The following KCNIP4 variants were observed in gnomAD, a reference collection of about 807,000 sequenced individuals.
KCNIP4 encodes Kv channel-interacting protein 4.
KCNIP4 carries 12 observed loss-of-function variants against 34.0 expected under a neutral mutation model. The observed-to-expected ratio is 0.35, with a 90% CI of 0.23 to 0.57. KCNIP4 has a LOEUF of 0.57. KCNIP4 is among the 20% of genes least tolerant of loss of function. KCNIP4 has a pLI of 0.83. For missense variants in KCNIP4, 238 were observed against 311.7 expected, an observed-to-expected ratio of 0.76 and a Z score of 1.78; for synonymous variants, 124 against 102.2, an observed-to-expected ratio of 1.21 and a Z score of -1.29.
At chr4:21,143,269 A>C (rs1167818456) in intron 1 of KCNIP4, among the ~76,000 whole-genome samples, 1 of 152,242 alleles carries the variant, frequency 6.6e-6, no homozygotes, top group Admixed American at 6.5e-5. Context: ...GGGGAGAAAC[A>C]GAAAGATCCA....
At chr4:21,555,267 T>C (rs1738918394) in intron 1 of KCNIP4, among the ~76,000 whole-genome samples, 1 of 152,158 alleles carries the variant, frequency 6.6e-6, no homozygotes, top group Non-Finnish European at 1.5e-5. Context: ...AGAGCTGCTT[T>C]CTTCCGTAAC....
At chr4:20,792,640 G>C (rs141547910) in intron 3 of KCNIP4, among the ~76,000 whole-genome samples, 2,462 of 152,096 alleles carry the variant, frequency 0.016, 33 homozygotes, top group Middle Eastern at 0.027. Flanking sequence ...GCAAACATTA[G>C]ACAAAATAGA....
At chr4:20,925,915 A>G (rs7698489) in intron 1 of KCNIP4, among the ~76,000 whole-genome samples, 5 of 152,198 alleles carry the variant, frequency 3.3e-5, no homozygotes, top group African/African-American at 1.2e-4. Flanking sequence ...ACCAGCAACA[A>G]ATTGTTACAA....
intron 1 of KCNIP4, among the ~76,000 whole-genome samples, chr4:21,425,707 T>C (rs1050835481): frequency 6.6e-6 from 1 of 152,218 alleles, no homozygotes; most frequent in Non-Finnish European, 1.5e-5. Flanking sequence ...AAAGAAACTC[T>C]TGTGAATGTC....
chr4:20,977,280 G>A (rs1279038785), intron 1 of KCNIP4, among the ~76,000 whole-genome samples: 1 of 152,086 alleles, frequency 6.6e-6, no homozygotes, highest in African/African-American at 2.4e-5. Flanking sequence ...GCATGACTCT[G>A]GCTTCTTGAC....
intron 1 of KCNIP4, among the ~76,000 whole-genome samples, chr4:21,450,060 GTTGAAC>G (rs1441791641): frequency 6.6e-6 from 1 of 152,136 alleles, no homozygotes; most frequent in African/African-American, 2.4e-5. Flanking sequence ...GAAAACAGTA[GTTGAAC>G]TTGAACTATT....
intron 1 of KCNIP4, among the ~76,000 whole-genome samples, chr4:21,137,866 A>G (rs1460358663): frequency 8.9e-6 from 1 of 112,832 alleles, no homozygotes; most frequent in Non-Finnish European, 1.8e-5. Flanking sequence ...TTTCCCTTAC[A>G]CAGGCTTTTT....
intron 1 of KCNIP4, among the ~76,000 whole-genome samples, chr4:21,020,604 C>T (rs981160519): frequency 1.3e-5 from 2 of 152,052 alleles, no homozygotes; most frequent in Admixed American, 6.6e-5. Flanking sequence ...CGCCATTCTT[C>T]GGCTATATGA....
At chr4:21,468,499 C>A (rs2109797656) in intron 1 of KCNIP4, among the ~76,000 whole-genome samples, 1 of 152,228 alleles carries the variant, frequency 6.6e-6, no homozygotes, top group South Asian at 2.1e-4. Context: ...GACCCAAGTT[C>A]GCTTGAATGG....
intron 2 of KCNIP4, among the ~76,000 whole-genome samples, chr4:20,868,462 AT>A (rs1297196782): frequency 2.0e-5 from 3 of 152,136 alleles, no homozygotes; most frequent in Admixed American, 6.6e-5. Context: ...CAGGGCTACC[AT>A]TTGACCCAGC....
At chr4:21,467,406 C>T (rs1012769367) in intron 1 of KCNIP4, among the ~76,000 whole-genome samples, 6 of 152,112 alleles carry the variant, frequency 3.9e-5, no homozygotes, top group African/African-American at 1.2e-4. Context: ...AGGAGCTACA[C>T]GCAGCCTGCC....
chr4:20,807,799 A>G (rs1292826250), intron 3 of KCNIP4, among the ~76,000 whole-genome samples: 1 of 152,154 alleles, frequency 6.6e-6, no homozygotes, highest in Non-Finnish European at 1.5e-5. Flanking sequence ...ATTACGTGGG[A>G]GAGGCACAAC....
At chr4:21,475,013 A>G (rs1484136311) in intron 1 of KCNIP4, among the ~76,000 whole-genome samples, 5 of 151,192 alleles carry the variant, frequency 3.3e-5, no homozygotes, top group Non-Finnish European at 7.4e-5. Flanking sequence ...AAAACAAAAA[A>G]AAAAGACGTT....
chr4:21,252,375 C>T (rs1365149211), intron 1 of KCNIP4, among the ~76,000 whole-genome samples: 3 of 152,064 alleles, frequency 2.0e-5, no homozygotes, highest in Non-Finnish European at 2.9e-5. Flanking sequence ...ATCCGCCCGC[C>T]TCGGCCTCCC....
chr4:21,178,751 C>T (rs185330653), intron 1 of KCNIP4, among the ~76,000 whole-genome samples: 21 of 151,996 alleles, frequency 1.4e-4, no homozygotes, highest in Admixed American at 9.8e-4. Flanking sequence ...ACCATATCTC[C>T]TGTGTCACTG....
rs199528632 is a variant in KCNIP4, at chr4:21,158,794, C to CA, written c.62-276086dup. On this transcript the variant is annotated intron_variant, in intron 1 of 8. Coordinates refer to ENST00000382152, the MANE Select transcript of KCNIP4 (RefSeq NM_025221.6). The stretch of plus-strand genomic sequence containing the variant: ...GTGCAGATTCTAGCCAGTGCAACAA[C>CA]AAAAAAAAGAAATACAGTATTGAGC... 5.2e-3 allele frequency among the ~76,000 whole-genome samples: 781 copies of CA among 151,188 alleles called. 5 individuals are homozygous for CA. The highest frequency in any genetic ancestry group is 0.017 in the African/African-American group (719 of 41,284).
At chr4:21,657,002 CTAAT>C (rs1242813498) in intron 1 of KCNIP4, 2 of 152,216 alleles carry the variant, frequency 1.3e-5, no homozygotes, top group African/African-American at 4.8e-5. Flanking sequence ...TTTCAACTGA[CTAAT>C]TAACTGCTCA....
chr4:21,944,322 T>C (rs1321649316), intron 1 of KCNIP4, among the ~76,000 whole-genome samples: 4 of 151,934 alleles, frequency 2.6e-5, no homozygotes, highest in African/African-American at 9.7e-5. Flanking sequence ...GGCAGGAGGA[T>C]CACTTGAGGT....
intron 1 of KCNIP4, among the ~76,000 whole-genome samples, chr4:20,995,375 T>C (rs1737456506): frequency 6.6e-6 from 1 of 152,202 alleles, no homozygotes; most frequent in Non-Finnish European, 1.5e-5. Context: ...AAAGCATTCA[T>C]TGCAGGCACA....
Sources: gnomAD v4.1 joint callset for allele counts (sites outside exome capture counted in the v4.1 genomes callset) on GRCh38, gnomAD v4.1.1 for gene constraint, MANE v1.5 for transcripts, NCBI Gene and HGNC (gene_info 2026-07-23, HGNC 2026-07-21) for gene names.